Variants in BTBD6 observed in about 807,000 individuals in gnomAD.
The protein encoded by BTBD6 is BTB/POZ domain-containing protein 6.
A neutral mutation model predicts 40.6 loss-of-function variants in BTBD6; 30 were observed. The ratio of observed to expected loss-of-function variants is 0.74; its 90% confidence interval spans 0.55 to 1.00. The LOEUF (loss-of-function observed/expected upper bound fraction) is 1.00, where lower values mean the gene tolerates loss of function less well. Among genes scored for constraint, BTBD6 ranks in the 50% least tolerant of loss-of-function variants. BTBD6 has a pLI of 0.00. For missense variants in BTBD6, 698 were observed against 694.6 expected, an observed-to-expected ratio of 1.00 and a Z score of -0.06; for synonymous variants, 378 against 308.7, an observed-to-expected ratio of 1.22 and a Z score of -2.35.
Position 105,250,477 on chromosome 14 carries a change from G to C in BTBD6, c.1422G>C (p.Pro474=), listed in dbSNP as rs146594425. Residue 474 remains proline, a synonymous_variant, in exon 4 of 4, where the codon CCG becomes CCC. Coordinates refer to ENST00000392554, the MANE Select transcript of BTBD6 (RefSeq NM_001387567.1). Reference sequence around the variant, plus strand: ...CCTTCCCGGTCTGGTTTGAACACCCGGTCCAGGTTGAACAAGACACCTTCT... The same window carrying C: ...CCTTCCCGGTCTGGTTTGAACACCCCGTCCAGGTTGAACAAGACACCTTCT... ...SNTFPVWFEH[P]VQVEQDTFYT... 1.2e-6 allele frequency: 2 copies of C among 1,613,828 alleles called. No individual in the cohort carries two copies. Among genetic ancestry groups the C allele is most frequent in the Non-Finnish European group, 1.7e-6 (2 of 1,180,028 alleles).
At position 105,250,531 on chromosome 14, in the gene BTBD6, C is replaced by T. The variant is rs1327047864; in HGVS notation, c.1476C>T (p.Ser492=). The T allele has an allele frequency of 4.3e-6, 7 of 1,613,906 alleles. No individual in the cohort carries two copies. Among genetic ancestry groups the T allele is most frequent in the East Asian group, 2.2e-5 (1 of 44,900 alleles). ...FYTASAVLDG[S]ELSYFGQEGM... ...CGGCCAGTGCCGTCCTGGACGGCAG[C>T]GAACTCAGCTACTTTGGGCAGGAGG... The change falls in exon 4 of 4, where the codon AGC becomes AGT. Residue 492 remains serine (S), a synonymous_variant. Transcript: ENST00000392554.
In BTBD6 at chr14:105,249,494, T is replaced by C. The variant is rs1224324236; in HGVS notation, c.584+16T>C. ...TCCTCTTAAAGTAAGTCCACTCTAC[T>C]GGGGAGGGACGGGTGGGTCCGTTTT... On this transcript the variant is annotated intron_variant, in intron 3 of 3. Coordinates refer to ENST00000392554, the MANE Select transcript of BTBD6 (RefSeq NM_001387567.1). 5.4e-6 allele frequency: 6 copies of C among 1,102,498 alleles called. No individual in the cohort carries two copies. In the African/African-American group the frequency reaches 8.0e-5, roughly 15 times the overall value. The allele number at this position is 1,102,498 out of a possible 1,614,324, so 68.3% of individuals were successfully genotyped here.
At position 105,248,867 on chromosome 14, in the gene BTBD6, G is replaced by T; in HGVS notation, c.156G>T (p.Ala52=). ...GAEAAPAAPP[A]KMAAELYAPA... is the part of the protein sequence containing the mutation. ...AGGCTGCCCCCGCCGCCCCGCCCGC[G>T]AAGATGGCGGCGGAACTCTACGCTC... The change falls in exon 1 of 4, where the codon GCG becomes GCT. Residue 52 remains alanine (A), a synonymous_variant. Transcript: ENST00000392554. 3 of 989,300 alleles carry T rather than the reference G, an allele frequency of 3.0e-6. No homozygotes were observed. The highest frequency in any genetic ancestry group is 3.6e-6 in the Non-Finnish European group (3 of 833,958). The allele number at this position is 989,300 out of a possible 1,614,324, so 61.3% of individuals were successfully genotyped here. A position where few individuals can be genotyped will look rare whatever the true frequency, so the allele number is the denominator to read the frequency against.
In BTBD6 at chr14:105,248,760, ACCT is replaced by A. The variant is rs2140278220; in HGVS notation, c.53_55del (p.Ser18del). 7.1e-6 allele frequency: 7 copies of A among 979,610 alleles called. No homozygotes were observed. Among genetic ancestry groups the A allele is most frequent in the Non-Finnish European group, 8.4e-6 (7 of 828,440 alleles). The allele number at this position is 979,610 out of a possible 1,614,324, so 60.7% of individuals were successfully genotyped here. On this transcript the variant is annotated inframe_deletion, in exon 1 of 4. Coordinates refer to ENST00000392554, the MANE Select transcript of BTBD6 (RefSeq NM_001387567.1). ...GCACGGCCGCGTCGCTCAGTGCCTG[ACCT>A]CCTTGCTTTTGCTTGCAGAGCCGCT...
chr14:105,249,237 C>T lies in BTBD6; in HGVS notation c.455C>T (p.Pro152Leu), dbSNP rs1313338790. Residue 152 changes from proline to leucine, a missense_variant, in exon 2 of 4, where the codon CCC (proline) becomes CTC (leucine). Coordinates refer to ENST00000392554, the MANE Select transcript of BTBD6 (RefSeq NM_001387567.1). ...CCCCCGGGGGCGACCAGGACGGTGC[C>T]CGCCCACAAGGTGGGTAGCGGCGGC... is the stretch of plus-strand genomic sequence containing the variant. ...VGPPGATRTVPAHKYVLAVGS... is the reference protein window; with the variant it reads ...VGPPGATRTVLAHKYVLAVGS... 1 of 1,581,852 alleles carries T rather than the reference C, an allele frequency of 6.3e-7. No individual in the cohort carries two copies. The highest frequency in any genetic ancestry group is 8.5e-7 in the Non-Finnish European group (1 of 1,169,656).
chr14:105,249,872 C>T lies in BTBD6; in HGVS notation c.817C>T (p.Arg273Trp), dbSNP rs375940510. The T allele has an allele frequency of 5.6e-6, 9 of 1,612,148 alleles. No homozygotes were observed. The highest frequency in any genetic ancestry group is 2.2e-5 in the East Asian group (1 of 44,880). ...VIDAQAEMAL[R>W]SEGFCEIDRQ... ...TGACGCACAGGCCGAGATGGCCCTACGGTCCGAAGGCTTCTGTGAGATAGA... is the reference window on the plus strand; with the variant it reads ...TGACGCACAGGCCGAGATGGCCCTATGGTCCGAAGGCTTCTGTGAGATAGA... Residue 273 changes from arginine (R) to tryptophan (W), a missense_variant, in exon 4 of 4, where the codon CGG (arginine) becomes TGG (tryptophan). By Grantham distance (101) the Arg-to-Trp change is moderately radical. Coordinates refer to ENST00000392554, the MANE Select transcript of BTBD6 (RefSeq NM_001387567.1).
Position 105,248,641 on chromosome 14 carries a change from G to T in BTBD6, c.-71G>T, listed in dbSNP as rs2055330083. 1 of 980,130 alleles carries T rather than the reference G, an allele frequency of 1.0e-6. No individual in the cohort carries two copies. The highest frequency in any genetic ancestry group is 1.8e-5 in the African/African-American group (1 of 56,632). 60.7% of individuals were successfully genotyped at this position (980,130 alleles called of 1,614,324 possible). On this transcript the variant is annotated 5_prime_UTR_variant, in exon 1 of 4. Transcript: ENST00000392554. ...CCGGGCTGCGCTAGGCTGGGCTCGG[G>T]CAGGGTCGCAGGGGCGGGGGTGGCA... is the stretch of plus-strand genomic sequence containing the variant.
At position 105,250,030 on chromosome 14, in the gene BTBD6, G is replaced by C; in HGVS notation, c.975G>C (p.Lys325Asn). ...RQGLPITPRN[K>N]RHVLGRALYL... ...GGCTGCCAATCACCCCACGAAACAAGAGGCATGTTCTGGGGCGAGCCCTCT... is the reference window on the plus strand; with the variant it reads ...GGCTGCCAATCACCCCACGAAACAACAGGCATGTTCTGGGGCGAGCCCTCT... The change falls in exon 4 of 4, where the codon AAG becomes AAC. Residue 325 changes from lysine (K) to asparagine (N), a missense_variant. Coordinates refer to ENST00000392554, the MANE Select transcript of BTBD6 (RefSeq NM_001387567.1). The C allele has an allele frequency of 1.9e-6, 3 of 1,612,968 alleles. No homozygotes were observed. The Middle Eastern group carries it at 4.9e-4, about 266-fold the overall frequency.
chr14:105,249,541 G>T lies in BTBD6; in HGVS notation c.584+63G>T, dbSNP rs2055451265. 3 of 1,598,614 alleles carry T rather than the reference G, an allele frequency of 1.9e-6. No individual in the cohort carries two copies. The Admixed American group carries it at 5.1e-5, about 27-fold the overall frequency. On this transcript the variant is annotated intron_variant, in intron 3 of 3. Transcript: ENST00000392554. ...TTTTAGGCGGCCTCCGGAGGCTTCTGAAGGGAAGCACACAGGAGCTGATGG... is the reference window on the plus strand; with the variant it reads ...TTTTAGGCGGCCTCCGGAGGCTTCTTAAGGGAAGCACACAGGAGCTGATGG...
At position 105,249,871 on chromosome 14, in the gene BTBD6, A is replaced by T; in HGVS notation, c.816A>T (p.Leu272=). Residue 272 remains leucine (L), a synonymous_variant, in exon 4 of 4, where the codon CTA becomes CTT. Transcript: ENST00000392554. The part of the protein sequence containing the change: ...EVIDAQAEMA[L]RSEGFCEIDR... The stretch of plus-strand genomic sequence containing the variant: ...TTGACGCACAGGCCGAGATGGCCCT[A>T]CGGTCCGAAGGCTTCTGTGAGATAG... 1 of 1,612,298 alleles carries T rather than the reference A, an allele frequency of 6.2e-7. No homozygotes were observed. Among genetic ancestry groups the T allele is most frequent in the Non-Finnish European group, 8.5e-7 (1 of 1,180,000 alleles).
In BTBD6 at chr14:105,248,554, G is replaced by A. The variant is rs2055294988; in HGVS notation, c.-158G>A. On this transcript the variant is annotated 5_prime_UTR_variant, in exon 1 of 4. Transcript: ENST00000392554. ...TGACGCAGCGTGACGCACCGGCGCC[G>A]CGGCGGGTACGGGCTCGGGCGGGCG... 1.1e-5 allele frequency: 9 copies of A among 845,972 alleles called. No individual in the cohort carries two copies. The highest frequency in any genetic ancestry group is 1.1e-5 in the Non-Finnish European group (8 of 716,160). The allele number at this position is 845,972 out of a possible 1,614,324, so 52.4% of individuals were successfully genotyped here.
In BTBD6 at chr14:105,249,851, G is replaced by C; in HGVS notation, c.796G>C (p.Ala266Pro). The change falls in exon 4 of 4, where the codon GCA becomes CCA. Residue 266 changes from alanine to proline, a missense_variant. Ala to Pro is a conservative substitution (Grantham distance 27). Coordinates refer to ENST00000392554, the MANE Select transcript of BTBD6 (RefSeq NM_001387567.1). ...GCAGCGCTGCTGGGAGGTCATTGACGCACAGGCCGAGATGGCCCTACGGTC... is the reference window on the plus strand; with the variant it reads ...GCAGCGCTGCTGGGAGGTCATTGACCCACAGGCCGAGATGGCCCTACGGTC... ...LTQRCWEVIDAQAEMALRSEG... is the reference protein window; with the variant it reads ...LTQRCWEVIDPQAEMALRSEG... 6.2e-7 allele frequency: 1 copy of C among 1,612,970 alleles called. No individual in the cohort carries two copies. Among genetic ancestry groups the C allele is most frequent in the Non-Finnish European group, 8.5e-7 (1 of 1,180,018 alleles).
rs2055517581 is a variant in BTBD6, at chr14:105,250,195, G to C, written c.1140G>C (p.Leu380=). 1 of 1,612,966 alleles carries C rather than the reference G, an allele frequency of 6.2e-7. No individual in the cohort carries two copies. The highest frequency in any genetic ancestry group is 1.3e-5 in the African/African-American group (1 of 75,058). ...ATNKPRLDFP[L]TKRKGLAPQR... ...ACAAGCCCCGCCTGGACTTTCCCCT[G>C]ACCAAGAGGAAGGGCCTCGCCCCGC... The change falls in exon 4 of 4, where the codon CTG becomes CTC. Residue 380 remains leucine (L), a synonymous_variant. Transcript: ENST00000392554.
Position 105,249,148 on chromosome 14 carries a change from C to T in BTBD6, c.375-9C>T, listed in dbSNP as rs1297801285. 27 of 1,566,876 alleles carry T rather than the reference C, an allele frequency of 1.7e-5. No homozygotes were observed. Among genetic ancestry groups the T allele is most frequent in the East Asian group, 4.6e-5 (2 of 43,546 alleles). On this transcript the variant is annotated splice_polypyrimidine_tract_variant and intron_variant, in intron 1 of 3. Transcript: ENST00000392554. ...CCCACGCCCCCAGCCCGTGCCTCTACCTTTGCAGGAACGCGCTCATGTTCA... is the reference window on the plus strand; with the variant it reads ...CCCACGCCCCCAGCCCGTGCCTCTATCTTTGCAGGAACGCGCTCATGTTCA...
chr14:105,249,772 G>A lies in BTBD6; in HGVS notation c.717G>A (p.Lys239=). Reference sequence around the variant, plus strand: ...TTCTGGAGACAAGTTTGGAAGCCAAGAACGCCTGCGTCCTGCTGTCCCAGA... The same window carrying A: ...TTCTGGAGACAAGTTTGGAAGCCAAAAACGCCTGCGTCCTGCTGTCCCAGA... The part of the protein sequence containing the change: ...VNFLETSLEA[K]NACVLLSQSR... The change falls in exon 4 of 4, where the codon AAG becomes AAA. Residue 239 remains lysine (K), a synonymous_variant. Coordinates refer to ENST00000392554, the MANE Select transcript of BTBD6 (RefSeq NM_001387567.1). 2 of 1,613,872 alleles carry A rather than the reference G, an allele frequency of 1.2e-6. No homozygotes were observed. Among genetic ancestry groups the A allele is most frequent in the Non-Finnish European group, 1.7e-6 (2 of 1,180,048 alleles).
rs371451116 is a variant in BTBD6 at position 105,250,277 on chromosome 14, G to A, written c.1222G>A (p.Gly408Arg). Reference protein sequence around the residue: ...AYRSNQWRYRGRCDSIQFAVD... With the variant: ...AYRSNQWRYRRRCDSIQFAVD... Reference sequence around the variant, plus strand: ...CCGCAGCAACCAGTGGCGGTACCGCGGGCGCTGCGACAGCATCCAGTTTGC... The same window carrying A: ...CCGCAGCAACCAGTGGCGGTACCGCAGGCGCTGCGACAGCATCCAGTTTGC... The change falls in exon 4 of 4, where the codon GGG (glycine) becomes AGG (arginine). Residue 408 changes from glycine to arginine, a missense_variant. Gly to Arg is a moderately radical substitution (Grantham distance 125). Transcript: ENST00000392554. 33 of 1,613,070 alleles carry A rather than the reference G, an allele frequency of 2.0e-5. No homozygotes were observed. The highest frequency in any genetic ancestry group is 2.7e-5 in the Non-Finnish European group (32 of 1,180,030).
rs1220424595 is a variant in BTBD6 at position 105,250,106 on chromosome 14, G to T, written c.1051G>T (p.Ala351Ser). 4 of 1,612,866 alleles carry T rather than the reference G, an allele frequency of 2.5e-6. No homozygotes were observed. The highest frequency in any genetic ancestry group is 3.4e-6 in the Non-Finnish European group (4 of 1,180,042). ...CCTAGAGGAGTTTGCCAACGGCGCT[G>T]CCCAGTCAGACATCCTGACTCTGGA... ...MTLEEFANGA[A>S]QSDILTLEET... The change falls in exon 4 of 4, where the codon GCC (alanine) becomes TCC (serine). Residue 351 changes from alanine (A) to serine (S), a missense_variant. Physicochemically the swap from Ala to Ser is moderately conservative, Grantham distance 99. Coordinates refer to ENST00000392554, the MANE Select transcript of BTBD6 (RefSeq NM_001387567.1).
In BTBD6 at chr14:105,248,833, C is replaced by T. The variant is rs186857534; in HGVS notation, c.122C>T (p.Thr41Ile). Residue 41 changes from threonine to isoleucine, a missense_variant, in exon 1 of 4, where the codon ACA (threonine) becomes ATA (isoleucine). Physicochemically the swap from Thr to Ile is moderately conservative, Grantham distance 89. Coordinates refer to ENST00000392554, the MANE Select transcript of BTBD6 (RefSeq NM_001387567.1). ...GCGAGGGCGCGGGGCGCGGCGTCCA[C>T]AGGCGCCGAGGCTGCCCCCGCCGCC... ...RGARARGAAS[T>I]GAEAAPAAPP... 2 of 989,038 alleles carry T rather than the reference C, an allele frequency of 2.0e-6. No individual in the cohort carries two copies. The highest frequency in any genetic ancestry group is 4.6e-5 in the South Asian group (1 of 21,682). 61.3% of individuals were successfully genotyped at this position (989,038 alleles called of 1,614,324 possible). A position where few individuals can be genotyped will look rare whatever the true frequency, so the allele number is the denominator to read the frequency against.
Position 105,250,660 on chromosome 14 carries a change from T to G in BTBD6, c.1605T>G (p.Ile535Met). Residue 535 changes from isoleucine (I) to methionine (M), a missense_variant, in exon 4 of 4, where the codon ATT becomes ATG. Coordinates refer to ENST00000392554, the MANE Select transcript of BTBD6 (RefSeq NM_001387567.1). ...GVQGGQIPEL[I>M]FYA ...AGGGTGGGCAGATCCCTGAGCTCAT[T>G]TTCTATGCCTGAGGTGCCCGGGGAG... is the stretch of plus-strand genomic sequence containing the variant. 1 of 1,607,460 alleles carries G rather than the reference T, an allele frequency of 6.2e-7. No individual in the cohort carries two copies. Among genetic ancestry groups the G allele is most frequent in the Non-Finnish European group, 8.5e-7 (1 of 1,175,600 alleles).
Sources: allele counts gnomAD v4.1 joint callset, GRCh38; gene constraint gnomAD v4.1.1; transcripts MANE v1.5; gene names NCBI Gene and HGNC (gene_info 2026-07-23, HGNC 2026-07-21).